The following NELL2 variants were observed in gnomAD, a reference collection of about 807,000 sequenced individuals.
NELL2 encodes the protein neural EGFL like 2, also known as protein kinase C-binding protein NELL2.
NELL2 carries 41 observed loss-of-function variants against 109.6 expected under a neutral mutation model. That is an observed-to-expected ratio of 0.37 (90% CI 0.29 to 0.49). NELL2 has a LOEUF of 0.49. Ranked by LOEUF, NELL2 falls within the 20% of genes least tolerant of loss-of-function variation. The pLI is 0.98. For missense variants in NELL2, 900 were observed against 1,008.3 expected, an observed-to-expected ratio of 0.89 and a Z score of 1.45; for synonymous variants, 355 against 344.7, an observed-to-expected ratio of 1.03 and a Z score of -0.33.
intron 19 of NELL2, among the ~76,000 whole-genome samples, chr12:44,517,331 G>A (rs1326828095): frequency 1.4e-5 from 2 of 146,200 alleles, no homozygotes; most frequent in Non-Finnish European, 1.5e-5. Flanking sequence ...ATAGATAAAG[G>A]CAACATTTAC....
intron 9 of NELL2, among the ~76,000 whole-genome samples, chr12:44,721,780 T>A (rs563094191): frequency 6.6e-6 from 1 of 152,120 alleles, no homozygotes; most frequent in African/African-American, 2.4e-5. Context: ...AAAAAAACAT[T>A]GAAAAAGTGA....
intron 1 of NELL2, among the ~76,000 whole-genome samples, chr12:44,910,948 T>C (rs1945773055): frequency 6.6e-6 from 1 of 151,744 alleles, no homozygotes; most frequent in Admixed American, 6.6e-5. Flanking sequence ...GAGCTAAACT[T>C]TAGGTACTTT....
At chr12:44,796,158 T>C (rs1191869159) in intron 3 of NELL2, among the ~76,000 whole-genome samples, 1 of 152,162 alleles carries the variant, frequency 6.6e-6, no homozygotes, top group East Asian at 1.9e-4. Flanking sequence ...TGTAAGTGCT[T>C]ACTTTGCACA....
intron 2 of NELL2, among the ~76,000 whole-genome samples, chr12:44,847,046 C>A (rs182231829): frequency 1.3e-5 from 2 of 152,328 alleles, no homozygotes; most frequent in Admixed American, 1.3e-4. Context: ...TTCTCCCATA[C>A]TATGCAATGC....
At chr12:44,807,246 T>G (rs1340965665) in intron 3 of NELL2, among the ~76,000 whole-genome samples, 1 of 151,654 alleles carries the variant, frequency 6.6e-6, no homozygotes, top group African/African-American at 2.4e-5. Context: ...TTATAAGGCA[T>G]CATTTACAAG....
intron 13 of NELL2, among the ~76,000 whole-genome samples, chr12:44,643,776 A>C (rs1313204623): frequency 6.6e-6 from 1 of 152,190 alleles, no homozygotes; most frequent in African/African-American, 2.4e-5. Flanking sequence ...TAGAGTTTCT[A>C]TGGATAAATA....
intron 15 of NELL2, among the ~76,000 whole-genome samples, chr12:44,598,514 C>T (rs773334112): frequency 6.6e-6 from 1 of 152,100 alleles, no homozygotes; most frequent in Non-Finnish European, 1.5e-5. Flanking sequence ...TTCTGAATGG[C>T]CAAAGTTCAT....
intron 2 of NELL2, among the ~76,000 whole-genome samples, chr12:44,867,400 T>G (rs949543195): frequency 1.2e-4 from 18 of 152,156 alleles, no homozygotes; most frequent in African/African-American, 4.1e-4. Context: ...TTTCAACATA[T>G]GCAGGAAAAC....
At chr12:44,782,657 T>C (rs1205371896) in intron 3 of NELL2, among the ~76,000 whole-genome samples, 2 of 151,762 alleles carry the variant, frequency 1.3e-5, no homozygotes, top group African/African-American at 4.8e-5. Flanking sequence ...ACAGAAATGC[T>C]ATAAAAATGA....
At chr12:44,623,591 C>T (rs1248327310) in intron 13 of NELL2, among the ~76,000 whole-genome samples, 1 of 152,040 alleles carries the variant, frequency 6.6e-6, no homozygotes, top group South Asian at 2.1e-4. Context: ...TCTCACTGTG[C>T]CTCACAGAGG....
At chr12:44,791,098 T>TATATATATATATAC (rs1807744529) in intron 3 of NELL2, among the ~76,000 whole-genome samples, 2 of 16,336 alleles carry the variant, frequency 1.2e-4, no homozygotes, top group East Asian at 1.1e-3. Context: ...TATATATATG[T>TATATATATATATAC]ATATATATAT....
chr12:44,730,433 T>C (rs1394045294), intron 9 of NELL2, among the ~76,000 whole-genome samples: 1 of 152,148 alleles, frequency 6.6e-6, no homozygotes, highest in Non-Finnish European at 1.5e-5. Flanking sequence ...ATCATACCAG[T>C]ATCTTTTCCA....
chr12:44,836,260 C>A (rs1337184261), intron 2 of NELL2, among the ~76,000 whole-genome samples: 4 of 152,196 alleles, frequency 2.6e-5, no homozygotes, highest in Admixed American at 6.5e-5. Flanking sequence ...ACAGTGAATT[C>A]CAATTCTATT....
chr12:44,535,252 G>T (rs941126889), intron 15 of NELL2, among the ~76,000 whole-genome samples: 9 of 151,770 alleles, frequency 5.9e-5, no homozygotes, highest in African/African-American at 2.2e-4. Context: ...TTTTGATGGG[G>T]TTACCTTCCA....
At chr12:44,542,243 C>A (rs1045590400) in intron 15 of NELL2, among the ~76,000 whole-genome samples, 1 of 151,888 alleles carries the variant, frequency 6.6e-6, no homozygotes, top group Non-Finnish European at 1.5e-5. Flanking sequence ...AAGGATACAC[C>A]CCTCTCTCTT....
upstream of NELL2, among the ~76,000 whole-genome samples, chr12:44,880,240 T>C (rs1467163667): frequency 6.6e-6 from 1 of 151,572 alleles, no homozygotes; most frequent in South Asian, 2.1e-4. Context: ...GTTTAAGTGA[T>C]TGGAGATATT....
upstream of NELL2, among the ~76,000 whole-genome samples, chr12:44,878,415 A>C (rs1945373677): frequency 6.6e-6 from 1 of 152,220 alleles, no homozygotes. Flanking sequence ...CCATTGTATT[A>C]GCTAGGGCAG....
At chr12:44,627,536 A>C (rs1946311533) in intron 13 of NELL2, among the ~76,000 whole-genome samples, 1 of 152,176 alleles carries the variant, frequency 6.6e-6, no homozygotes, top group Admixed American at 6.5e-5. Flanking sequence ...TTCAACTATA[A>C]AGACACTTGA....
chr12:44,523,636 A>G, intron 16 of NELL2, 152 bp from the exon 17 acceptor site: 1 of 629,924 alleles, frequency 1.6e-6, no homozygotes, highest in Non-Finnish European at 2.8e-6. Flanking sequence ...TGTTGACTAA[A>G]GCAATGTTAA....
Sources: gnomAD v4.1 joint callset for allele counts (sites outside exome capture counted in the v4.1 genomes callset) on GRCh38, gnomAD v4.1.1 for gene constraint, MANE v1.5 for transcripts, NCBI Gene and HGNC (gene_info 2026-07-23, HGNC 2026-07-21) for gene names.